The following LATS2 variants were observed in gnomAD, a reference collection of about 807,000 sequenced individuals.
The protein encoded by LATS2 is serine/threonine-protein kinase LATS2.
A neutral mutation model predicts 76.0 loss-of-function variants in LATS2; 24 were observed. The observed-to-expected ratio is 0.32, with a 90% confidence interval of 0.23 to 0.44. The LOEUF is 0.44. Among genes scored for constraint, LATS2 ranks in the 20% least tolerant of loss-of-function variants. The pLI is 1.00. For missense variants in LATS2, 1,286 were observed against 1,481.2 expected (o/e 0.87, Z 2.16); for synonymous variants, 692 against 635.4 (o/e 1.09, Z -1.34).
Position 20,992,957 on chromosome 13 carries a change from A to T in LATS2, c.343-1553T>A, listed in dbSNP as rs1027878643. Among the ~76,000 whole-genome samples the T allele has an allele frequency of 2.0e-5, 3 of 146,754 alleles. No individual in the cohort carries two copies. In the Admixed American group the frequency reaches 2.1e-4, roughly 10 times the overall value. ...GGCTGAGGCAGGTGAATTGCTTGAA[A>T]CCTGGGAGGTGGAGGCTGCAGTGAG... On this transcript the variant is annotated intron_variant, in intron 2 of 7. Coordinates refer to ENST00000382592, the MANE Select transcript of LATS2 (RefSeq NM_014572.3).
chr13:21,030,123 A>C (rs79063795), intron 2 of LATS2, among the ~76,000 whole-genome samples: 4 of 144,104 alleles, frequency 2.8e-5, no homozygotes, highest in South Asian at 4.3e-4. Context: ...ACTCTACTTC[A>C]AAAAAAAAAA....
intron 1 of LATS2, among the ~76,000 whole-genome samples, chr13:21,058,387 C>T (rs1164292079): frequency 6.6e-6 from 1 of 152,226 alleles, no homozygotes; most frequent in East Asian, 1.9e-4. Flanking sequence ...AATCCTTCCT[C>T]TGTTTATGGT....
At chr13:21,022,461 C>T (rs991547643) in intron 2 of LATS2, among the ~76,000 whole-genome samples, 6 of 152,214 alleles carry the variant, frequency 3.9e-5, no homozygotes, top group African/African-American at 9.6e-5. Flanking sequence ...CACTTTTGTA[C>T]TGCACGGTTA....
intron 1 of LATS2, among the ~76,000 whole-genome samples, chr13:21,054,101 T>G (rs1256398405): frequency 6.6e-6 from 1 of 152,202 alleles, no homozygotes; most frequent in East Asian, 1.9e-4. Context: ...GGGAAAAAAG[T>G]CTCCTAACTA....
chr13:20,995,503 T>C (rs1870712321), intron 2 of LATS2, among the ~76,000 whole-genome samples: 1 of 152,208 alleles, frequency 6.6e-6, no homozygotes, highest in African/African-American at 2.4e-5. Flanking sequence ...TTCTGGTGTC[T>C]AGCGTGTAGA....
rs933025190 is a variant in LATS2, at chr13:21,000,308, G to C, written c.343-8904C>G. Among the ~76,000 whole-genome samples the C allele has an allele frequency of 2.6e-5, 4 of 152,106 alleles. No homozygotes were observed. The South Asian group carries it at 8.3e-4, about 32-fold the overall frequency. On this transcript the variant is annotated intron_variant, in intron 2 of 7. Coordinates refer to ENST00000382592, the MANE Select transcript of LATS2 (RefSeq NM_014572.3). ...AGGCAGGAGAATCACTTCAACCCAG[G>C]AGGTGGAGGTTGCAATGAGCCGAGA...
intron 2 of LATS2, among the ~76,000 whole-genome samples, chr13:21,015,709 T>C (rs1208438662): frequency 2.6e-5 from 4 of 152,222 alleles, no homozygotes; most frequent in Non-Finnish European, 5.9e-5. Context: ...TATTTATTTA[T>C]TTATTTTTGA....
At chr13:21,028,813 C>A (rs1872412228) in intron 2 of LATS2, among the ~76,000 whole-genome samples, 1 of 152,118 alleles carries the variant, frequency 6.6e-6, no homozygotes, top group Non-Finnish European at 1.5e-5. Context: ...TGTGATCCAC[C>A]CGCCTTGGCC....
Position 20,983,586 on chromosome 13 carries a change from C to T in LATS2, c.2120G>A (p.Arg707Gln), listed in dbSNP as rs915063122. 12 of 1,613,994 alleles carry T rather than the reference C, an allele frequency of 7.4e-6. No homozygotes were observed. The highest frequency in any genetic ancestry group is 4.0e-5 in the African/African-American group (3 of 74,892). The change falls in exon 5 of 8, where the codon CGG becomes CAG. Residue 707 changes from arginine to glutamine, a missense_variant. Transcript: ENST00000382592. ...GGCCTTGACGTGGGCCACCTGATTC[C>T]GGTTCAGGACATCCTTTTTCCTTAG... ...KTLRKKDVLN[R>Q]NQVAHVKAER...
intron 2 of LATS2, among the ~76,000 whole-genome samples, chr13:21,007,735 AGTATATATATATATATATATATATAT>A (rs1871400560): frequency 3.2e-3 from 6 of 1,884 alleles, no homozygotes; most frequent in African/African-American, 6.0e-3. Flanking sequence ...ATATATATAT[AGTATATATATATATATATATATATAT>A]TTTTTTTTTT....
At chr13:21,044,858 T>C (rs1390792223) in intron 2 of LATS2, among the ~76,000 whole-genome samples, 1 of 52,808 alleles carries the variant, frequency 1.9e-5, no homozygotes, top group African/African-American at 4.4e-5. Flanking sequence ...GCATCCCATG[T>C]AGTTGGGACT....
At chr13:21,028,747 T>C (rs1002851950) in intron 2 of LATS2, among the ~76,000 whole-genome samples, 1 of 152,146 alleles carries the variant, frequency 6.6e-6, no homozygotes, top group Non-Finnish European at 1.5e-5. Context: ...ATTTTTGTAT[T>C]TTAGTAGAGA....
At chr13:20,995,506 C>T (rs933681800) in intron 2 of LATS2, among the ~76,000 whole-genome samples, 8 of 152,078 alleles carry the variant, frequency 5.3e-5, no homozygotes, top group Non-Finnish European at 5.9e-5. Context: ...TGGTGTCTAG[C>T]GTGTAGAAAG....
chr13:21,058,170 T>C (rs1188887947), intron 1 of LATS2, among the ~76,000 whole-genome samples: 3 of 152,262 alleles, frequency 2.0e-5, no homozygotes, highest in African/African-American at 7.2e-5. Flanking sequence ...AGAACAGATT[T>C]AGTCAAGACA....
intron 1 of LATS2, 149 bp downstream of exon 1, chr13:21,061,197 G>C (rs1158827425): frequency 6.6e-6 from 1 of 151,592 alleles, no homozygotes; most frequent in Admixed American, 6.6e-5. Flanking sequence ...GGCTCCGTCC[G>C]GACAAACTTC....
intron 7 of LATS2, among the ~76,000 whole-genome samples, chr13:20,979,342 G>A (rs897498435): frequency 7.9e-5 from 12 of 152,116 alleles, no homozygotes; most frequent in Admixed American, 4.6e-4. Flanking sequence ...CTGGAGTTCC[G>A]TGTGTTCTCT....
intron 1 of LATS2, among the ~76,000 whole-genome samples, chr13:21,052,152 C>T (rs1056485097): frequency 1.3e-5 from 2 of 152,174 alleles, no homozygotes; most frequent in African/African-American, 4.8e-5. Context: ...ACAGGCTTGC[C>T]TTGAGGATCA....
rs963967542 is a variant in LATS2 at position 21,061,341 on chromosome 13, C to T, written c.-205+5G>A. On this transcript the variant is annotated splice_donor_5th_base_variant and intron_variant, in intron 1 of 7. Transcript: ENST00000382592. ...CGCCCCGACCCCAGCTCCCAGCCCC[C>T]TCACCTCCAGGGGCGCGGTCTACAC... 2.6e-5 allele frequency: 4 copies of T among 152,388 alleles called. No individual in the cohort carries two copies. Among genetic ancestry groups the T allele is most frequent in the African/African-American group, 9.7e-5 (4 of 41,448 alleles). The allele number at this position is 152,388 out of a possible 1,614,324, so 9.4% of individuals were successfully genotyped here.
chr13:21,051,341 G>T (rs1022256020), intron 1 of LATS2, among the ~76,000 whole-genome samples: 6 of 152,186 alleles, frequency 3.9e-5, no homozygotes, highest in Admixed American at 1.3e-4. Context: ...AGGCAGAGGA[G>T]AAAATCAATT....
Sources: gnomAD v4.1 joint callset for allele counts (sites outside exome capture counted in the v4.1 genomes callset) on GRCh38, gnomAD v4.1.1 for gene constraint, MANE v1.5 for transcripts, NCBI Gene and HGNC (gene_info 2026-07-23, HGNC 2026-07-21) for gene names.